The following METRNL variants were observed in gnomAD, a reference collection of about 807,000 sequenced individuals.
METRNL encodes meteorin-like protein.
In METRNL, 9 loss-of-function variants were observed where a neutral mutation model predicts 17.4. That is an observed-to-expected ratio of 0.52 (90% CI 0.31 to 0.90). The LOEUF (loss-of-function observed/expected upper bound fraction) is 0.90. Among genes scored for constraint, METRNL ranks in the 40% least tolerant of loss-of-function variants. The probability of loss-of-function intolerance (pLI) is 0.05; values close to 1 mark genes in which losing one functional copy is unlikely to be tolerated. For synonymous variants in METRNL, 215 were observed against 199.3 expected, an observed-to-expected ratio of 1.08 and a Z score of -0.66; for missense variants, 408 against 430.7, an observed-to-expected ratio of 0.95 and a Z score of 0.47.
chr17:83,093,313 G>A, intron 3 of METRNL, 87 bp downstream of exon 3: 2 of 1,118,212 alleles, frequency 1.8e-6, no homozygotes, highest in East Asian at 2.5e-5. Flanking sequence ...CCTCTTCAGG[G>A]CCCAGGACAG....
At chr17:83,083,287 C>A (rs552851819) in intron 1 of METRNL, among the ~76,000 whole-genome samples, 1 of 152,196 alleles carries the variant, frequency 6.6e-6, no homozygotes, top group Admixed American at 6.5e-5. Context: ...CCCGCTCCCT[C>A]GACCTTCAGG....
At position 83,094,272 on chromosome 17, in the gene METRNL, C is replaced by T. The variant is rs1361859949; in HGVS notation, c.633C>T (p.Ile211=). Residue 211 remains isoleucine (I), a synonymous_variant, in exon 4 of 4, where the codon ATC becomes ATT. Coordinates refer to ENST00000320095, the MANE Select transcript of METRNL (RefSeq NM_001004431.3). ...CCCGCACAGCCGTTCGAGGCTCCAT[C>T]CAGCAAGTTACCCACGAGCCTGAGC... ...CTSDFAVRGS[I]QQVTHEPERQ... is the part of the protein sequence containing the mutation. 6.3e-7 allele frequency: 1 copy of T among 1,578,954 alleles called. No individual in the cohort carries two copies. The highest frequency in any genetic ancestry group is 8.7e-7 in the Non-Finnish European group (1 of 1,154,704).
chr17:83,094,143 G>A (rs1476113655), intron 3 of METRNL, 113 bp from the exon 4 acceptor site: 1 of 874,990 alleles, frequency 1.1e-6, no homozygotes, highest in African/African-American at 1.7e-5. Context: ...GGCAGAGTCG[G>A]GGGTCAGCTG....
intron 2 of METRNL, among the ~76,000 whole-genome samples, chr17:83,087,757 C>T (rs1054612303): frequency 5.3e-5 from 8 of 152,154 alleles, no homozygotes; most frequent in Non-Finnish European, 8.8e-5. Flanking sequence ...GAGGCTGAGC[C>T]GGGCAGCGCC....
chr17:83,084,716 G>A, intron 1 of METRNL: 1 of 586,298 alleles, frequency 1.7e-6, no homozygotes, highest in East Asian at 3.0e-5. Flanking sequence ...TCTTGGTGCA[G>A]GTGCACTGGA....
intron 2 of METRNL, among the ~76,000 whole-genome samples, chr17:83,092,208 G>C (rs575207569): frequency 3.9e-5 from 6 of 152,316 alleles, no homozygotes; most frequent in African/African-American, 9.6e-5. Flanking sequence ...ACCTCATCCC[G>C]CGGCCAGGTG....
intron 2 of METRNL, among the ~76,000 whole-genome samples, chr17:83,088,039 C>T (rs369628832): frequency 5.9e-5 from 9 of 152,176 alleles, no homozygotes; most frequent in African/African-American, 1.9e-4. Context: ...TGAGACACGC[C>T]GATGACCAAG....
chr17:83,079,840 T>C lies in METRNL; in HGVS notation c.25T>C (p.Trp9Arg). MRGAARAA[W>R]GRAGQPWPRP... ...CATGCGGGGCGCGGCGCGGGCGGCC[T>C]GGGGGCGCGCGGGGCAGCCGTGGCC... Residue 9 changes from tryptophan to arginine, a missense_variant, in exon 1 of 4, where the codon TGG becomes CGG. Transcript: ENST00000320095. 1 of 954,314 alleles carries C rather than the reference T, an allele frequency of 1.0e-6. No individual in the cohort carries two copies. The highest frequency in any genetic ancestry group is 1.2e-6 in the Non-Finnish European group (1 of 816,066). The allele number at this position is 954,314 out of a possible 1,614,324, so 59.1% of individuals were successfully genotyped here.
At chr17:83,093,135 GGCT>G (rs2038160058) in intron 2 of METRNL, 29 bp from the exon 3 acceptor site, 2 of 1,598,724 alleles carry the variant, frequency 1.3e-6, no homozygotes, top group Non-Finnish European at 1.7e-6. Context: ...GTCCCGTCCA[GGCT>G]GCTTCCTGAC....
At chr17:83,087,988 G>A (rs562247779) in intron 2 of METRNL, among the ~76,000 whole-genome samples, 91 of 152,314 alleles carry the variant, frequency 6.0e-4, no homozygotes, top group African/African-American at 1.9e-3. Flanking sequence ...TGGTGTGATC[G>A]TGGTGCGTTC....
At chr17:83,082,228 GC>G in intron 1 of METRNL, 1 of 985,464 alleles carries the variant, frequency 1.0e-6, no homozygotes, top group Non-Finnish European at 1.2e-6. Context: ...CGTCTCTCCT[GC>G]AAGGTGGGGA....
chr17:83,087,888 T>C (rs2143633376), intron 2 of METRNL, among the ~76,000 whole-genome samples: 1 of 151,858 alleles, frequency 6.6e-6, no homozygotes, highest in East Asian at 1.9e-4. Context: ...GGACAGAGGC[T>C]CCGTGGGCTG....
intron 2 of METRNL, among the ~76,000 whole-genome samples, chr17:83,088,228 G>A (rs1455880168): frequency 1.3e-5 from 2 of 152,252 alleles, no homozygotes; most frequent in African/African-American, 4.8e-5. Context: ...AGGAAACCCC[G>A]CAGGATGGGG....
intron 1 of METRNL, 120 bp downstream of exon 1, chr17:83,080,105 C>A: frequency 6.7e-6 from 3 of 445,174 alleles, no homozygotes; most frequent in African/African-American, 2.1e-5. Context: ...GCTCCGGGGG[C>A]CGCTCTCCAG....
Position 83,085,214 on chromosome 17 carries a change from C to A in METRNL, c.447C>A (p.Gly149=). ...GRVQCFGLEQ[G]GLFVEATPQQ... ...TGCAGTGTTTTGGCCTGGAGCAGGG[C>A]GGCCTGTTCGTGGAGGCCACGCCGC... Residue 149 remains glycine, a synonymous_variant, in exon 2 of 4, where the codon GGC becomes GGA. Transcript: ENST00000320095. The A allele has an allele frequency of 6.2e-7, 1 of 1,602,672 alleles. No homozygotes were observed. The highest frequency in any genetic ancestry group is 8.5e-7 in the Non-Finnish European group (1 of 1,173,364).
At chr17:83,083,734 C>G (rs980250574) in intron 1 of METRNL, among the ~76,000 whole-genome samples, 6 of 152,204 alleles carry the variant, frequency 3.9e-5, no homozygotes, top group African/African-American at 1.4e-4. Context: ...GTGTGAGTCA[C>G]CAGCGGTAAA....
chr17:83,089,292 A>C lies in METRNL; in HGVS notation c.557-3875A>C, dbSNP rs181029409. Among the ~76,000 whole-genome samples the C allele has an allele frequency of 5.0e-3, 754 of 152,200 alleles. 5 individuals are homozygous for C. Among genetic ancestry groups the C allele is most frequent in the African/African-American group, 0.017 (702 of 41,518 alleles). On this transcript the variant is annotated intron_variant, in intron 2 of 3. Transcript: ENST00000320095. ...TATCCCCGTCACCGGCTCCTCTAAA[A>C]GCAGCGTGTCCCCCCGCTACCCCGT...
intron 1 of METRNL, chr17:83,082,175 CT>C: frequency 2.0e-6 from 2 of 985,488 alleles, no homozygotes; most frequent in Non-Finnish European, 2.4e-6. Context: ...AACTTTCCCA[CT>C]TGCTGTCAGC....
Position 83,085,027 on chromosome 17 carries a change from G to A in METRNL, c.260G>A (p.Gly87Asp). ...GCCGTGGAGTGGATGTACCCAACAGGTGCTCTCATCGTTAACCTGCGGCCC... is the reference window on the plus strand; with the variant it reads ...GCCGTGGAGTGGATGTACCCAACAGATGCTCTCATCGTTAACCTGCGGCCC... Reference protein sequence around the residue: ...AGAVEWMYPTGALIVNLRPNT... With the variant: ...AGAVEWMYPTDALIVNLRPNT... Residue 87 changes from glycine (G) to aspartate (D), a missense_variant, in exon 2 of 4, where the codon GGT becomes GAT. Physicochemically the swap from Gly to Asp is moderately conservative, Grantham distance 94. Coordinates refer to ENST00000320095, the MANE Select transcript of METRNL (RefSeq NM_001004431.3). 1 of 1,613,896 alleles carries A rather than the reference G, an allele frequency of 6.2e-7. No homozygotes were observed. The highest frequency in any genetic ancestry group is 8.5e-7 in the Non-Finnish European group (1 of 1,180,020).
Sources: allele counts gnomAD v4.1 joint callset (sites outside exome capture counted in the v4.1 genomes callset), GRCh38; gene constraint gnomAD v4.1.1; transcripts MANE v1.5; gene names NCBI Gene and HGNC (gene_info 2026-07-23, HGNC 2026-07-21).